PLEKHD1: variants seen among roughly 807,000 people sequenced by gnomAD.
PLEKHD1 encodes pleckstrin homology and coiled-coil domain containing D1.
A neutral mutation model predicts 69.2 loss-of-function variants in PLEKHD1; 51 were observed. The ratio of observed to expected loss-of-function variants is 0.74; its 90% CI spans 0.59 to 0.93. The LOEUF is 0.93. Among genes scored for constraint, PLEKHD1 ranks in the 40% least tolerant of loss-of-function variants. The pLI is 0.00. For missense variants in PLEKHD1, 584 were observed against 641.0 expected (o/e 0.91, Z 0.96); for synonymous variants, 236 against 244.7 (o/e 0.96, Z 0.33).
At chr14:69,472,562 A>G in the PLEKHD1 span, among the ~76,000 whole-genome samples, 1 of 152,238 alleles carries the variant, frequency 6.6e-6, no homozygotes, top group East Asian at 1.9e-4. Context: ...GATGGACCAC[A>G]TTTATAACCA....
intron 1 of PLEKHD1, among the ~76,000 whole-genome samples, chr14:69,494,905 G>T (rs1004923041): frequency 6.6e-6 from 1 of 152,178 alleles, no homozygotes; most frequent in African/African-American, 2.4e-5. Context: ...CTAGAAATTT[G>T]CTTGCCAGGT....
intron 6 of PLEKHD1, among the ~76,000 whole-genome samples, chr14:69,521,293 A>G (rs993952474): frequency 2.0e-5 from 3 of 152,168 alleles, no homozygotes; most frequent in Non-Finnish European, 4.4e-5. Flanking sequence ...TTGGGTAAGT[A>G]GTTTAGAAAT....
the PLEKHD1 span, among the ~76,000 whole-genome samples, chr14:69,473,850 A>G: frequency 3.2e-4 from 49 of 152,096 alleles, no homozygotes; most frequent in Non-Finnish European, 4.3e-4. Flanking sequence ...GAATTTGATA[A>G]CCATCTTCAG....
intron 6 of PLEKHD1, among the ~76,000 whole-genome samples, chr14:69,510,624 T>A (rs1883250014): frequency 6.6e-6 from 1 of 152,168 alleles, no homozygotes; most frequent in South Asian, 2.1e-4. Context: ...CTTGCTACAA[T>A]TGCTTATTAA....
the PLEKHD1 span, among the ~76,000 whole-genome samples, chr14:69,476,319 C>G: frequency 4.0e-5 from 6 of 149,600 alleles, no homozygotes; most frequent in African/African-American, 1.2e-4. Context: ...CCTGTAATCC[C>G]AGCAACAGGA....
chr14:69,478,361 G>A, the PLEKHD1 span, among the ~76,000 whole-genome samples: 1 of 152,210 alleles, frequency 6.6e-6, no homozygotes, highest in African/African-American at 2.4e-5. Context: ...ACATGCCCTG[G>A]AGACATTTTC....
chr14:69,527,418 A>G (rs1298701698), intron 11 of PLEKHD1, 86 bp downstream of exon 11: 1 of 1,519,808 alleles, frequency 6.6e-7, no homozygotes, highest in Non-Finnish European at 8.9e-7. Context: ...GGAAACCCAC[A>G]CAGGGTCTGC....
chr14:69,471,628 A>T, the PLEKHD1 span, among the ~76,000 whole-genome samples: 2 of 152,176 alleles, frequency 1.3e-5, no homozygotes, highest in Admixed American at 6.5e-5. Flanking sequence ...AGGACTGGGC[A>T]TCGCAGGGGC....
At chr14:69,488,404 T>A (rs918032236) in intron 1 of PLEKHD1, among the ~76,000 whole-genome samples, 8 of 152,170 alleles carry the variant, frequency 5.3e-5, no homozygotes, top group Admixed American at 3.9e-4. Flanking sequence ...TTCACGGCAC[T>A]AGGCTCAGCC....
At chr14:69,483,339 A>T (rs549559132), upstream of PLEKHD1, among the ~76,000 whole-genome samples, 1 of 151,868 alleles carries the variant, frequency 6.6e-6, no homozygotes, top group African/African-American at 2.4e-5. Flanking sequence ...CACACATCCA[A>T]ATGCCTGCAG....
At chr14:69,520,405 T>C (rs61982438) in intron 6 of PLEKHD1, among the ~76,000 whole-genome samples, 17,618 of 152,092 alleles carry the variant, frequency 0.12, 1,170 homozygotes, top group Non-Finnish European at 0.14. Flanking sequence ...ATGAATAATA[T>C]AGGGAGTTTC....
At chr14:69,515,988 A>G (rs1226091397) in intron 6 of PLEKHD1, among the ~76,000 whole-genome samples, 3 of 152,108 alleles carry the variant, frequency 2.0e-5, no homozygotes, top group African/African-American at 7.2e-5. Flanking sequence ...AGACTTGCTG[A>G]TTTTTCAGTT....
Position 69,531,225 on chromosome 14 carries a change from G to A in PLEKHD1, c.*2806G>A, listed in dbSNP as rs1393638605. The A allele has an allele frequency of 1.3e-5, 2 of 152,198 alleles. No homozygotes were observed. The highest frequency in any genetic ancestry group is 2.9e-5 in the Non-Finnish European group (2 of 68,008). 9.4% of individuals were successfully genotyped at this position (152,198 alleles called of 1,614,324 possible). A position where few individuals can be genotyped will look rare whatever the true frequency, so the allele number is the denominator to read the frequency against. ...TGGGATAGTAATTAAATTTCAGTGTGAGTTTGGGAGGGAACAAACATTCAA... is the reference window on the plus strand; with the variant it reads ...TGGGATAGTAATTAAATTTCAGTGTAAGTTTGGGAGGGAACAAACATTCAA... On this transcript the variant is annotated 3_prime_UTR_variant, in exon 13 of 13. Coordinates refer to ENST00000322564, the MANE Select transcript of PLEKHD1 (RefSeq NM_001161498.2).
chr14:69,486,901 G>C (rs1022693298), intron 1 of PLEKHD1, among the ~76,000 whole-genome samples: 2 of 152,140 alleles, frequency 1.3e-5, no homozygotes, highest in African/African-American at 4.8e-5. Context: ...GAGAGGTTTA[G>C]TGTCCCCCAC....
At chr14:69,469,941 C>T in the PLEKHD1 span, among the ~76,000 whole-genome samples, 1 of 151,502 alleles carries the variant, frequency 6.6e-6, no homozygotes, top group East Asian at 2.0e-4. Context: ...AGGCTGATCT[C>T]GAACTCCTGA....
At chr14:69,501,556 C>T (rs1167989758) in intron 4 of PLEKHD1, 178 bp from the exon 5 acceptor site, 4 of 516,582 alleles carry the variant, frequency 7.7e-6, no homozygotes, top group Non-Finnish European at 1.4e-5. Context: ...GTAACTGATC[C>T]GTGCTGGTGA....
intron 6 of PLEKHD1, among the ~76,000 whole-genome samples, chr14:69,515,483 T>A (rs997637788): frequency 2.6e-5 from 4 of 152,244 alleles, no homozygotes; most frequent in African/African-American, 9.6e-5. Context: ...TGTATCTGTG[T>A]CTTAGGCCAT....
chr14:69,498,106 A>ATTTTATTTTATTTTATTTTATTT (rs1491301174), intron 1 of PLEKHD1, among the ~76,000 whole-genome samples: 9 of 141,464 alleles, frequency 6.4e-5, no homozygotes, highest in African/African-American at 2.4e-4. Flanking sequence ...ATTTTATTTT[A>ATTTTATTTTATTTTATTTTATTT]GAGAGTCTTG....
intron 6 of PLEKHD1, among the ~76,000 whole-genome samples, chr14:69,518,865 T>G (rs1883445466): frequency 6.6e-6 from 1 of 152,154 alleles, no homozygotes; most frequent in African/African-American, 2.4e-5. Flanking sequence ...CCCCTAGGTG[T>G]GCTTGAGCAG....
Sources: allele counts gnomAD v4.1 joint callset (sites outside exome capture counted in the v4.1 genomes callset), GRCh38; gene constraint gnomAD v4.1.1; transcripts MANE v1.5; gene names NCBI Gene and HGNC (gene_info 2026-07-23, HGNC 2026-07-21).